Variants in SPATS2L observed in about 807,000 individuals in gnomAD.
SPATS2L encodes the protein spermatogenesis associated serine rich 2 like.
A neutral mutation model predicts 59.6 loss-of-function variants in SPATS2L; 30 were observed. That is an observed-to-expected ratio of 0.50 (90% confidence interval 0.38 to 0.68). The LOEUF (loss-of-function observed/expected upper bound fraction) is 0.68. SPATS2L is among the 30% of genes least tolerant of loss of function. The probability of loss-of-function intolerance (pLI) is 0.00; values close to 1 mark genes in which losing one functional copy is unlikely to be tolerated. For missense variants in SPATS2L, 615 were observed against 700.0 expected (o/e 0.88, Z 1.37); for synonymous variants, 252 against 263.5 (o/e 0.96, Z 0.42).
intron 2 of SPATS2L, among the ~76,000 whole-genome samples, chr2:200,364,390 G>C (rs2081201574): frequency 6.6e-6 from 1 of 152,168 alleles, no homozygotes; most frequent in South Asian, 2.1e-4. Context: ...ACTTAGCATA[G>C]GGAACATAGT....
At chr2:200,356,471 TAA>T (rs1442994317) in intron 2 of SPATS2L, among the ~76,000 whole-genome samples, 2 of 152,300 alleles carry the variant, frequency 1.3e-5, no homozygotes, top group African/African-American at 4.8e-5. Flanking sequence ...TTAAGAATTA[TAA>T]GTGTTTAGCT....
At chr2:200,393,961 T>C (rs1574376104) in intron 3 of SPATS2L, among the ~76,000 whole-genome samples, 1 of 152,198 alleles carries the variant, frequency 6.6e-6, no homozygotes, top group East Asian at 1.9e-4. Flanking sequence ...ATTGGATGAA[T>C]TCGAGTAGGT....
intron 1 of SPATS2L, among the ~76,000 whole-genome samples, chr2:200,322,076 A>T (rs985208613): frequency 6.6e-6 from 1 of 152,216 alleles, no homozygotes; most frequent in African/African-American, 2.4e-5. Flanking sequence ...GAAAGATAGG[A>T]TACTTGGCTG....
At chr2:200,463,103 T>C (rs1202689328) in intron 9 of SPATS2L, 1 of 152,148 alleles carries the variant, frequency 6.6e-6, no homozygotes, top group Non-Finnish European at 1.5e-5. Flanking sequence ...AGTCAAAAAA[T>C]GGAAGTCAGG....
chr2:200,369,685 C>T (rs2105888658), intron 2 of SPATS2L, among the ~76,000 whole-genome samples: 1 of 151,920 alleles, frequency 6.6e-6, no homozygotes, highest in Admixed American at 6.6e-5. Flanking sequence ...ACATAAAAAG[C>T]TGGTAAGAAA....
intron 2 of SPATS2L, among the ~76,000 whole-genome samples, chr2:200,388,275 G>C (rs1041634155): frequency 6.6e-6 from 1 of 152,064 alleles, no homozygotes; most frequent in Non-Finnish European, 1.5e-5. Flanking sequence ...CTCAAGCTAA[G>C]ATAAAGACTG....
intron 1 of SPATS2L, among the ~76,000 whole-genome samples, chr2:200,307,197 C>T (rs1248521023): frequency 6.6e-6 from 1 of 151,496 alleles, no homozygotes; most frequent in Non-Finnish European, 1.5e-5. Context: ...CGCACAGTGG[C>T]GCTCCCCGGG....
At chr2:200,381,184 C>T (rs1434003461) in intron 2 of SPATS2L, among the ~76,000 whole-genome samples, 1 of 152,204 alleles carries the variant, frequency 6.6e-6, no homozygotes, top group Non-Finnish European at 1.5e-5. Context: ...CCCTCTTCAG[C>T]TGGCATGCAA....
intron 1 of SPATS2L, among the ~76,000 whole-genome samples, chr2:200,320,901 C>T (rs2079540847): frequency 6.6e-6 from 1 of 151,886 alleles, no homozygotes. Context: ...TTAAGAAACA[C>T]AAATCTATAA....
At chr2:200,387,458 C>T (rs528806420) in intron 2 of SPATS2L, among the ~76,000 whole-genome samples, 1 of 152,186 alleles carries the variant, frequency 6.6e-6, no homozygotes, top group Non-Finnish European at 1.5e-5. Flanking sequence ...TAAAATGTTA[C>T]TGTTTCTAAT....
At chr2:200,403,431 T>A (rs1481458638) in intron 3 of SPATS2L, among the ~76,000 whole-genome samples, 1 of 152,218 alleles carries the variant, frequency 6.6e-6, no homozygotes, top group Non-Finnish European at 1.5e-5. Flanking sequence ...GAAAAGGGGT[T>A]ATACTTACAC....
chr2:200,383,336 T>C (rs939475320), intron 2 of SPATS2L, among the ~76,000 whole-genome samples: 1 of 152,272 alleles, frequency 6.6e-6, no homozygotes, highest in African/African-American at 2.4e-5. Context: ...TTTAATCCAA[T>C]CTATCAAATG....
chr2:200,324,760 T>C (rs1472335437), intron 1 of SPATS2L, among the ~76,000 whole-genome samples: 1 of 152,210 alleles, frequency 6.6e-6, no homozygotes, highest in Non-Finnish European at 1.5e-5. Flanking sequence ...CAAATTCCAT[T>C]ATAATGAAAA....
chr2:200,462,941 A>G (rs762640023), intron 9 of SPATS2L, among the ~76,000 whole-genome samples: 2 of 146,252 alleles, frequency 1.4e-5, no homozygotes, highest in Non-Finnish European at 1.5e-5. Flanking sequence ...TAATAATAAC[A>G]ATAATAATAA....
intron 6 of SPATS2L, among the ~76,000 whole-genome samples, chr2:200,437,996 C>T (rs1280952621): frequency 6.6e-6 from 1 of 152,130 alleles, no homozygotes; most frequent in Non-Finnish European, 1.5e-5. Flanking sequence ...CAGAATTGAA[C>T]TCAGTGTTTG....
intron 12 of SPATS2L, 29 bp downstream of exon 12, chr2:200,473,081 A>T: frequency 2.1e-6 from 3 of 1,421,106 alleles, no homozygotes; most frequent in Non-Finnish European, 2.9e-6. Flanking sequence ...AGGGTGCCAG[A>T]GGAAAAAAAA....
chr2:200,420,571 T>C (rs1338631251), intron 6 of SPATS2L, among the ~76,000 whole-genome samples: 1 of 152,192 alleles, frequency 6.6e-6, no homozygotes, highest in Admixed American at 6.5e-5. Context: ...TGCAGTCCAA[T>C]TTAGGGTAAT....
intron 2 of SPATS2L, among the ~76,000 whole-genome samples, chr2:200,356,864 G>C (rs910496177): frequency 1.3e-5 from 2 of 152,134 alleles, no homozygotes; most frequent in African/African-American, 4.8e-5. Context: ...GCTGGCAAGA[G>C]AGCAAGAGGG....
In SPATS2L at chr2:200,439,293, T is replaced by C; in HGVS notation, c.617T>C (p.Leu206Pro). 6.2e-7 allele frequency: 1 copy of C among 1,613,674 alleles called. No homozygotes were observed. The highest frequency in any genetic ancestry group is 1.7e-5 in the Admixed American group (1 of 59,972). Reference sequence around the variant, plus strand: ...AAGTCCAATACCCCTGCAGCTCATCTTGAAATAAAGCCAGATGAGTTGGCA... The same window carrying C: ...AAGTCCAATACCCCTGCAGCTCATCCTGAAATAAAGCCAGATGAGTTGGCA... ...PVKSNTPAAH[L>P]EIKPDELAKK... Residue 206 changes from leucine to proline, a missense_variant, in exon 7 of 13, where the codon CTT becomes CCT. Leu to Pro is a moderately conservative substitution (Grantham distance 98, BLOSUM62 -3). This residue lies in a region of SPATS2L where 227 missense variants were observed against 257.4 expected (regional missense o/e 0.88). Coordinates refer to ENST00000409140, the MANE Select transcript of SPATS2L (RefSeq NM_001100423.2).
Sources: gnomAD v4.1 joint callset for allele counts (sites outside exome capture counted in the v4.1 genomes callset) on GRCh38, gnomAD v4.1.1 for gene constraint, gnomAD v4.1.1 regional missense constraint, MANE v1.5 for transcripts, NCBI Gene and HGNC (gene_info 2026-07-23, HGNC 2026-07-21) for gene names.